GALNT8: variants seen among roughly 807,000 people sequenced by gnomAD.
GALNT8 encodes the protein polypeptide N-acetylgalactosaminyltransferase 8.
A neutral mutation model predicts 62.7 loss-of-function variants in GALNT8; 66 were observed. That is an observed-to-expected ratio of 1.05 (90% confidence interval 0.86 to 1.29). The LOEUF is 1.29. Among genes scored for constraint, GALNT8 ranks in the 50% most tolerant of loss-of-function variants. The pLI, the probability that GALNT8 is intolerant of heterozygous loss-of-function variation, is 0.00. For missense variants in GALNT8, 771 were observed against 791.8 expected, an observed-to-expected ratio of 0.97 and a Z score of 0.32; for synonymous variants, 288 against 294.3, an observed-to-expected ratio of 0.98 and a Z score of 0.22.
intron 2 of GALNT8, among the ~76,000 whole-genome samples, chr12:4,736,915 A>G (rs1351828565): frequency 6.6e-6 from 1 of 152,236 alleles, no homozygotes; most frequent in Non-Finnish European, 1.5e-5. Flanking sequence ...CTTCAAAGAC[A>G]TCATTATAAA....
At chr12:4,738,388 A>G (rs1160650522) in intron 2 of GALNT8, among the ~76,000 whole-genome samples, 1 of 152,260 alleles carries the variant, frequency 6.6e-6, no homozygotes, top group Non-Finnish European at 1.5e-5. Flanking sequence ...TGACACCAAA[A>G]GCATAGGTGA....
At chr12:4,754,607 G>C (rs1946336395) in intron 6 of GALNT8, among the ~76,000 whole-genome samples, 1 of 152,088 alleles carries the variant, frequency 6.6e-6, no homozygotes, top group Non-Finnish European at 1.5e-5. Flanking sequence ...GCTCCCTTCT[G>C]GCCCAGAGCA....
chr12:4,747,081 T>G (rs1946303231), intron 6 of GALNT8, among the ~76,000 whole-genome samples: 1 of 152,124 alleles, frequency 6.6e-6, no homozygotes, highest in Admixed American at 6.6e-5. Flanking sequence ...AATTTTAAAT[T>G]TTTGTGGGTA....
chr12:4,752,534 GAAAA>G (rs200703013), intron 6 of GALNT8, among the ~76,000 whole-genome samples: 1 of 137,588 alleles, frequency 7.3e-6, no homozygotes, highest in East Asian at 2.1e-4. Context: ...CCAAACAATT[GAAAA>G]AAAAAAAAAC....
rs757275086 is a variant in GALNT8 at position 4,744,716 on chromosome 12, G to A, written c.860+16G>A. ...ATGTTGGGTGGTAAGGCTCAAAGAG[G>A]CTAGTTCTTCTGGAAAGGGCAGAGA... On this transcript the variant is annotated intron_variant, in intron 4 of 10. Transcript: ENST00000252318. The A allele has an allele frequency of 2.5e-6, 4 of 1,581,872 alleles. No homozygotes were observed. The South Asian group carries it at 4.5e-5, about 18-fold the overall frequency.
rs759287934 is a variant in GALNT8 at position 4,765,447 on chromosome 12, T to C, written c.1662T>C (p.Asp554=). 2.5e-6 allele frequency: 4 copies of C among 1,611,662 alleles called. No individual in the cohort carries two copies. The highest frequency in any genetic ancestry group is 3.3e-5 in the Admixed American group (2 of 59,806). Reference sequence around the variant, plus strand: ...TGATTGCAGAGGCCAGTGCTAGTGATCGCTGCCTGACAGACCCTGGCAAGG... The same window carrying C: ...TGATTGCAGAGGCCAGTGCTAGTGACCGCTGCCTGACAGACCCTGGCAAGG... ...GQLIAEASAS[D]RCLTDPGKAE... Residue 554 remains aspartate, a synonymous_variant, in exon 10 of 11, where the codon GAT becomes GAC. Transcript: ENST00000252318.
At chr12:4,737,676 T>TG (rs2137526314) in intron 2 of GALNT8, among the ~76,000 whole-genome samples, 2 of 152,326 alleles carry the variant, frequency 1.3e-5, no homozygotes, top group Non-Finnish European at 2.9e-5. Flanking sequence ...TGCGACAGTA[T>TG]GGGGAGGTGG....
intron 6 of GALNT8, among the ~76,000 whole-genome samples, chr12:4,756,428 CAT>C (rs1946345284): frequency 6.6e-6 from 1 of 152,170 alleles, no homozygotes; most frequent in South Asian, 2.1e-4. Flanking sequence ...TGGTGAGTGA[CAT>C]ATGGTTTACA....
At chr12:4,762,972 A>G (rs1946379665) in intron 7 of GALNT8, among the ~76,000 whole-genome samples, 1 of 152,242 alleles carries the variant, frequency 6.6e-6, no homozygotes, top group Non-Finnish European at 1.5e-5. Context: ...AAACAGCTGG[A>G]TTGGTTACAG....
intron 6 of GALNT8, among the ~76,000 whole-genome samples, chr12:4,754,926 C>CT (rs1437032959): frequency 6.6e-6 from 1 of 152,186 alleles, no homozygotes; most frequent in Non-Finnish European, 1.5e-5. Flanking sequence ...CCACACAACT[C>CT]TGACTGATTT....
At chr12:4,742,918 G>A (rs1304953616) in intron 3 of GALNT8, among the ~76,000 whole-genome samples, 1 of 152,206 alleles carries the variant, frequency 6.6e-6, no homozygotes, top group African/African-American at 2.4e-5. Context: ...TGTGCTATAT[G>A]ATAGGCATTA....
chr12:4,758,647 A>AG lies in GALNT8; in HGVS notation c.1174-2310dup, dbSNP rs1946357409. On this transcript the variant is annotated intron_variant, in intron 6 of 10. Coordinates refer to ENST00000252318, the MANE Select transcript of GALNT8 (RefSeq NM_017417.2). ...GTGTGTGTGTGTGTGTGAGAGAGAG[A>AG]GAGAGAGAGAGAGAGAGAGAGAGAG... 1.2e-3 allele frequency among the ~76,000 whole-genome samples: 170 copies of AG among 142,972 alleles called. 2 individuals carry two copies. The highest frequency in any genetic ancestry group is 4.1e-3 in the African/African-American group (158 of 38,588). The allele number at this position is 142,972 out of a possible 152,430, so 93.8% of individuals were successfully genotyped here.
rs1016456978 is a variant in GALNT8 at position 4,727,565 on chromosome 12, A to G, written c.509+736A>G. Among the ~76,000 whole-genome samples the G allele has an allele frequency of 3.3e-5, 5 of 152,222 alleles. 1 individual carries two copies. In the East Asian group the frequency reaches 9.6e-4, roughly 29 times the overall value. On this transcript the variant is annotated intron_variant, in intron 2 of 10. Transcript: ENST00000252318. ...CACCACTAATCTACTTTTTATCCCT[A>G]TGGATTTGTCTGTTCCGGACCTTTT...
At chr12:4,732,424 A>G (rs541857425) in intron 2 of GALNT8, among the ~76,000 whole-genome samples, 608 of 121,122 alleles carry the variant, frequency 5.0e-3, no homozygotes, top group Middle Eastern at 0.015. Flanking sequence ...GCACTGTTCA[A>G]TATGATAGCT....
At chr12:4,727,051 A>C (rs1448975800) in intron 2 of GALNT8, among the ~76,000 whole-genome samples, 1 of 152,208 alleles carries the variant, frequency 6.6e-6, no homozygotes, top group Non-Finnish European at 1.5e-5. Flanking sequence ...GAAATGTCAG[A>C]GGAGCAGAGG....
At position 4,720,485 on chromosome 12, in the gene GALNT8, A is replaced by C. The variant is rs1186058329; in HGVS notation, c.-193A>C. On this transcript the variant is annotated 5_prime_UTR_variant, in exon 1 of 11. Coordinates refer to ENST00000252318, the MANE Select transcript of GALNT8 (RefSeq NM_017417.2). ...GTTATCCTCTCGGGGCATAAAGACA[A>C]AGAAGGCAATAAGGAGACTTTGCTC... The C allele has an allele frequency of 8.5e-6, 5 of 589,658 alleles. No individual in the cohort carries two copies. The highest frequency in any genetic ancestry group is 1.2e-5 in the Non-Finnish European group (4 of 330,532). The allele number at this position is 589,658 out of a possible 1,614,324, so 36.5% of individuals were successfully genotyped here. A position where few individuals can be genotyped will look rare whatever the true frequency, so the allele number is the denominator to read the frequency against.
At chr12:4,767,980 T>C (rs987106964) in intron 10 of GALNT8, among the ~76,000 whole-genome samples, 3 of 152,162 alleles carry the variant, frequency 2.0e-5, no homozygotes, top group Non-Finnish European at 4.4e-5. Flanking sequence ...CAATCCCCTT[T>C]AAAGAAGATT....
rs376912313 is a variant in GALNT8 at position 4,739,264 on chromosome 12, T to G, written c.611T>G (p.Ile204Ser). ...LSIIQRAITS[I>S]INRTPSRLLK... ...ATTATACAACGGGCCATCACCAGTA[T>G]CATCAACCGGACGCCCTCTCGATTG... The change falls in exon 3 of 11, where the codon ATC becomes AGC. Residue 204 changes from isoleucine to serine, a missense_variant. Ile to Ser is a moderately radical substitution (Grantham distance 142). Transcript: ENST00000252318. 2.5e-6 allele frequency: 4 copies of G among 1,613,730 alleles called. No individual in the cohort carries two copies. Among genetic ancestry groups the G allele is most frequent in the Non-Finnish European group, 3.4e-6 (4 of 1,179,734 alleles).
chr12:4,730,594 G>T (rs1397218720), intron 2 of GALNT8, among the ~76,000 whole-genome samples: 1 of 152,104 alleles, frequency 6.6e-6, no homozygotes, highest in Non-Finnish European at 1.5e-5. Flanking sequence ...GCAGTATCAT[G>T]CTGTTTTGAT....
Sources: gnomAD v4.1 joint callset for allele counts (sites outside exome capture counted in the v4.1 genomes callset) on GRCh38, gnomAD v4.1.1 for gene constraint, MANE v1.5 for transcripts, NCBI Gene and HGNC (gene_info 2026-07-23, HGNC 2026-07-21) for gene names.